PAQR8: variants seen among roughly 807,000 people sequenced by gnomAD.
PAQR8 encodes the protein progestin and adipoQ receptor family member 8.
Under a neutral mutation model 25.2 loss-of-function variants are expected in PAQR8, and 17 were observed. The observed-to-expected ratio is 0.67, with a 90% CI of 0.46 to 1.01. The LOEUF is 1.01. PAQR8 is among the 50% of genes least tolerant of loss of function. The probability of loss-of-function intolerance (pLI) is 0.00; values close to 1 mark genes in which losing one functional copy is unlikely to be tolerated. For synonymous variants in PAQR8, 204 were observed against 190.6 expected (o/e 1.07, Z -0.58); for missense variants, 392 against 448.4 (o/e 0.87, Z 1.14).
chr6:52,387,168 G>T (rs1763642909), intron 1 of PAQR8, among the ~76,000 whole-genome samples: 1 of 152,210 alleles, frequency 6.6e-6, no homozygotes, highest in East Asian at 1.9e-4. Flanking sequence ...CTTCAGGGGT[G>T]CCCTTAGGAA....
intron 1 of PAQR8, among the ~76,000 whole-genome samples, chr6:52,370,290 G>A (rs1454117022): frequency 6.6e-6 from 1 of 152,156 alleles, no homozygotes; most frequent in Non-Finnish European, 1.5e-5. Context: ...GGCAATAGAT[G>A]TTGTTGGGGC....
chr6:52,391,590 A>G (rs1454144535), intron 1 of PAQR8, among the ~76,000 whole-genome samples: 2 of 152,234 alleles, frequency 1.3e-5, no homozygotes, highest in African/African-American at 4.8e-5. Flanking sequence ...AAAGATCAGT[A>G]TGAGCCCAGA....
chr6:52,371,384 A>G (rs1763417499), intron 1 of PAQR8, among the ~76,000 whole-genome samples: 1 of 152,170 alleles, frequency 6.6e-6, no homozygotes, highest in South Asian at 2.1e-4. Flanking sequence ...CTAGACTTGA[A>G]TTGGAGCACT....
chr6:52,403,050 G>A, intron 1 of PAQR8, 112 bp from the exon 2 acceptor site: 2 of 642,862 alleles, frequency 3.1e-6, no homozygotes, highest in African/African-American at 1.8e-5. Context: ...TAGCCTGGGC[G>A]ACAGAGTGAT....
At chr6:52,400,826 T>C (rs962556577) in intron 1 of PAQR8, among the ~76,000 whole-genome samples, 12 of 152,310 alleles carry the variant, frequency 7.9e-5, no homozygotes, top group Admixed American at 7.8e-4. Flanking sequence ...CCAGTAAACT[T>C]TGATCTCTTT....
chr6:52,396,515 G>A (rs78335745), intron 1 of PAQR8, among the ~76,000 whole-genome samples: 5,012 of 152,284 alleles, frequency 0.033, 119 homozygotes, highest in Non-Finnish European at 0.049. Flanking sequence ...ATGGTGAGCT[G>A]TTGAAGAATT....
intron 1 of PAQR8, among the ~76,000 whole-genome samples, chr6:52,392,419 T>A (rs1763720740): frequency 6.6e-6 from 1 of 152,146 alleles, no homozygotes; most frequent in Admixed American, 6.5e-5. Context: ...TTGCCCAGTG[T>A]TCTTTCCAGG....
rs927541765 is a variant in PAQR8 at position 52,405,462 on chromosome 6, C to T, written c.*1184C>T. The T allele has an allele frequency of 2.4e-5, 4 of 167,134 alleles. No homozygotes were observed. Among genetic ancestry groups the T allele is most frequent in the Admixed American group, 2.0e-4 (3 of 15,278 alleles). 10.4% of individuals were successfully genotyped at this position (167,134 alleles called of 1,614,324 possible). On this transcript the variant is annotated 3_prime_UTR_variant, in exon 2 of 2. Transcript: ENST00000442253. Reference sequence around the variant, plus strand: ...CCCTGAAGGCTCCTTTGGGTGAGAACATGTGAACCAGGCACCCTGGTTTGT... The same window carrying T: ...CCCTGAAGGCTCCTTTGGGTGAGAATATGTGAACCAGGCACCCTGGTTTGT...
rs1223688914 is a variant in PAQR8 at position 52,406,786 on chromosome 6, C to T, written c.*2508C>T. 1 of 372,684 alleles carries T rather than the reference C, an allele frequency of 2.7e-6. No individual in the cohort carries two copies. The highest frequency in any genetic ancestry group is 5.0e-6 in the Non-Finnish European group (1 of 201,476). 23.1% of individuals were successfully genotyped at this position (372,684 alleles called of 1,614,324 possible). On this transcript the variant is annotated 3_prime_UTR_variant, in exon 2 of 2. Transcript: ENST00000442253. ...CCACGTTGCTTAGGCTGGTCTTGAACTCCTGAACTCAAGTGATCCGCCCAC... is the reference window on the plus strand; with the variant it reads ...CCACGTTGCTTAGGCTGGTCTTGAATTCCTGAACTCAAGTGATCCGCCCAC...
At chr6:52,379,813 C>G (rs1212931782) in intron 1 of PAQR8, among the ~76,000 whole-genome samples, 1 of 151,946 alleles carries the variant, frequency 6.6e-6, no homozygotes, top group Non-Finnish European at 1.5e-5. Context: ...ATTTTTAGTA[C>G]AGATGGGGTT....
chr6:52,379,521 G>A (rs570014933), intron 1 of PAQR8, among the ~76,000 whole-genome samples: 14 of 152,024 alleles, frequency 9.2e-5, no homozygotes, highest in Non-Finnish European at 1.9e-4. Flanking sequence ...TCGCGATCTC[G>A]ACTCACTGCA....
At chr6:52,392,410 T>C (rs1321861301) in intron 1 of PAQR8, among the ~76,000 whole-genome samples, 1 of 152,170 alleles carries the variant, frequency 6.6e-6, no homozygotes, top group Non-Finnish European at 1.5e-5. Flanking sequence ...TCTAATTTCT[T>C]GCCCAGTGTT....
intron 1 of PAQR8, among the ~76,000 whole-genome samples, chr6:52,363,582 C>T (rs1403801680): frequency 6.6e-6 from 1 of 152,204 alleles, no homozygotes; most frequent in Non-Finnish European, 1.5e-5. Context: ...CAAATACACA[C>T]ACCAAACAAT....
At chr6:52,366,752 T>C (rs1287989517) in intron 1 of PAQR8, among the ~76,000 whole-genome samples, 1 of 151,942 alleles carries the variant, frequency 6.6e-6, no homozygotes, top group Non-Finnish European at 1.5e-5. Flanking sequence ...ACTGGAGCCA[T>C]GATTCTTTTT....
chr6:52,384,202 T>C (rs1763602074), intron 1 of PAQR8, among the ~76,000 whole-genome samples: 1 of 152,220 alleles, frequency 6.6e-6, no homozygotes, highest in South Asian at 2.1e-4. Flanking sequence ...AATTTGGTTT[T>C]AAACACTATG....
At position 52,392,771 on chromosome 6, in the gene PAQR8, T is replaced by C. The variant is rs561997004; in HGVS notation, c.-52-10391T>C. ...CAACAAACCATGTGTCTCTTTAATA[T>C]GAAAGAAGCCCATCAGATTTATGAT... On this transcript the variant is annotated intron_variant, in intron 1 of 1. Coordinates refer to ENST00000442253, the MANE Select transcript of PAQR8 (RefSeq NM_133367.5). Among the ~76,000 whole-genome samples the C allele has an allele frequency of 4.6e-5, 7 of 152,300 alleles. No homozygotes were observed. In the South Asian group the frequency reaches 1.0e-3, roughly 23 times the overall value.
rs190118306 is a variant in PAQR8 at position 52,390,607 on chromosome 6, T to C, written c.-52-12555T>C. ...GAAGTGACTCACGTATTAATGCCGT[T>C]TGAGTTTGTGTGCTGTGGGGAAGGT... is the stretch of plus-strand genomic sequence containing the variant. On this transcript the variant is annotated intron_variant, in intron 1 of 1. Coordinates refer to ENST00000442253, the MANE Select transcript of PAQR8 (RefSeq NM_133367.5). Among the ~76,000 whole-genome samples, 401 of 152,284 alleles carry C rather than the reference T, an allele frequency of 2.6e-3. 2 individuals are homozygous for C. The highest frequency in any genetic ancestry group is 8.8e-3 in the African/African-American group (365 of 41,548).
intron 1 of PAQR8, among the ~76,000 whole-genome samples, chr6:52,398,204 CTTTT>C (rs869285681): frequency 7.0e-5 from 6 of 85,814 alleles, no homozygotes; most frequent in East Asian, 3.5e-4. Flanking sequence ...TTTCTTTTTT[CTTTT>C]TTTTTTTTTT....
intron 1 of PAQR8, among the ~76,000 whole-genome samples, chr6:52,394,995 A>G (rs1763750900): frequency 6.6e-6 from 1 of 152,144 alleles, no homozygotes; most frequent in South Asian, 2.1e-4. Context: ...GGCCGGGCAC[A>G]GTGACTGACG....
Sources: gnomAD v4.1 joint callset for allele counts (sites outside exome capture counted in the v4.1 genomes callset) on GRCh38, gnomAD v4.1.1 for gene constraint, MANE v1.5 for transcripts, NCBI Gene and HGNC (gene_info 2026-07-23, HGNC 2026-07-21) for gene names.